PHC3: variants seen among roughly 807,000 people sequenced by gnomAD.
The protein encoded by PHC3 is polyhomeotic-like protein 3.
Under a neutral mutation model 107.4 loss-of-function variants are expected in PHC3, and 13 were observed. The ratio of observed to expected loss-of-function variants is 0.12; its 90% CI spans 0.08 to 0.19. The LOEUF (loss-of-function observed/expected upper bound fraction) is 0.19, where lower values mean the gene tolerates loss of function less well. PHC3 is among the 10% of genes least tolerant of loss of function. The pLI is 1.00. For missense variants in PHC3, 992 were observed against 1,210.9 expected, an observed-to-expected ratio of 0.82 and a Z score of 2.68; for synonymous variants, 456 against 427.4, an observed-to-expected ratio of 1.07 and a Z score of -0.83.
intron 14 of PHC3, among the ~76,000 whole-genome samples, chr3:170,101,968 C>A (rs1715562633): frequency 6.6e-6 from 1 of 151,878 alleles, no homozygotes; most frequent in Non-Finnish European, 1.5e-5. Context: ...AAAGAATGTA[C>A]CTTCTTTTAA....
intron 6 of PHC3, among the ~76,000 whole-genome samples, chr3:170,139,561 A>G (rs1215992528): frequency 6.6e-6 from 1 of 152,214 alleles, no homozygotes; most frequent in East Asian, 1.9e-4. Flanking sequence ...ATCCATTTCT[A>G]TAGAATAATA....
intron 6 of PHC3, among the ~76,000 whole-genome samples, chr3:170,138,629 G>T (rs889836335): frequency 6.8e-6 from 1 of 146,198 alleles, no homozygotes; most frequent in Non-Finnish European, 1.5e-5. Context: ...GGCAGAGGTT[G>T]CAGTGAGCTG....
intron 11 of PHC3, among the ~76,000 whole-genome samples, chr3:170,110,408 A>C (rs1576994198): frequency 6.6e-6 from 1 of 152,108 alleles, no homozygotes; most frequent in South Asian, 2.1e-4. Context: ...GCACTTACAC[A>C]TTCTTAGTGC....
Position 170,088,695 on chromosome 3 carries a change from TAC to T in PHC3, c.*8533_*8534del, listed in dbSNP as rs1269450510. ...AGCATAACATATTTGAAGAATTAGT[TAC>T]ACTTTAAAAATTAAAACACTTGAAA... On this transcript the variant is annotated 3_prime_UTR_variant, in exon 15 of 15. Transcript: ENST00000495893. The T allele has an allele frequency of 2.0e-5, 3 of 152,366 alleles. No individual in the cohort carries two copies. Among genetic ancestry groups the T allele is most frequent in the Non-Finnish European group, 4.4e-5 (3 of 68,034 alleles). 9.4% of individuals were successfully genotyped at this position (152,366 alleles called of 1,614,324 possible).
At chr3:170,120,902 T>C (rs1237697541) in intron 9 of PHC3, among the ~76,000 whole-genome samples, 2 of 152,078 alleles carry the variant, frequency 1.3e-5, no homozygotes, top group Non-Finnish European at 2.9e-5. Context: ...CAGAACAGAA[T>C]ACGTACAACA....
At chr3:170,133,944 T>C (rs536973387) in intron 7 of PHC3, among the ~76,000 whole-genome samples, 5 of 152,180 alleles carry the variant, frequency 3.3e-5, no homozygotes, top group African/African-American at 1.2e-4. Flanking sequence ...AAGAAATCAA[T>C]CTACCTTTCA....
chr3:170,139,719 T>C (rs545825736), intron 6 of PHC3, among the ~76,000 whole-genome samples: 13 of 152,204 alleles, frequency 8.5e-5, no homozygotes, highest in African/African-American at 2.4e-4. Flanking sequence ...GACTTAAACA[T>C]TGACATGGTT....
At chr3:170,133,939 A>G (rs537784156) in intron 7 of PHC3, among the ~76,000 whole-genome samples, 1 of 152,252 alleles carries the variant, frequency 6.6e-6, no homozygotes, top group East Asian at 1.9e-4. Context: ...TTAGAAAGAA[A>G]TCAATCTACC....
intron 2 of PHC3, among the ~76,000 whole-genome samples, chr3:170,175,075 C>T (rs1378427882): frequency 6.6e-6 from 1 of 152,138 alleles, no homozygotes; most frequent in African/African-American, 2.4e-5. Context: ...GTTATAGATA[C>T]AGCAAATTGT....
chr3:170,132,460 G>A (rs1209601415), intron 7 of PHC3, among the ~76,000 whole-genome samples: 1 of 152,180 alleles, frequency 6.6e-6, no homozygotes, highest in African/African-American at 2.4e-5. Flanking sequence ...ATGTGTATTT[G>A]TAGATGGGGC....
chr3:170,173,717 A>C (rs1159699961), intron 2 of PHC3, among the ~76,000 whole-genome samples: 1 of 152,258 alleles, frequency 6.6e-6, no homozygotes, highest in Non-Finnish European at 1.5e-5. Context: ...TCAGTGGGTT[A>C]CAAAATAGTA....
rs184566544 is a variant in PHC3 at position 170,130,134 on chromosome 3, T to C, written c.920-582A>G. 2.3e-3 allele frequency among the ~76,000 whole-genome samples: 346 copies of C among 152,360 alleles called. 1 individual carries two copies. Among genetic ancestry groups the C allele is most frequent in the African/African-American group, 7.7e-3 (322 of 41,594 alleles). On this transcript the variant is annotated intron_variant, in intron 7 of 14. Transcript: ENST00000495893. ...TACATGGTTTGTTCTTATTATATTT[T>C]ATAGGTCACCTGAATATCTACATTA...
chr3:170,161,031 T>C (rs541573225), intron 4 of PHC3, among the ~76,000 whole-genome samples: 3 of 152,340 alleles, frequency 2.0e-5, no homozygotes, highest in South Asian at 2.1e-4. Flanking sequence ...ATTAATATCA[T>C]TACATATTCT....
intron 4 of PHC3, among the ~76,000 whole-genome samples, chr3:170,165,378 C>T (rs1418953488): frequency 6.6e-6 from 1 of 152,100 alleles, no homozygotes; most frequent in Non-Finnish European, 1.5e-5. Flanking sequence ...TCACTCATCA[C>T]GTCCAGAACC....
At chr3:170,177,734 G>A (rs908101644) in intron 2 of PHC3, among the ~76,000 whole-genome samples, 5 of 145,136 alleles carry the variant, frequency 3.4e-5, no homozygotes, top group African/African-American at 7.7e-5. Context: ...ACAGTGGTGC[G>A]ATCACAGCTC....
Position 170,091,904 on chromosome 3 carries a change from A to G in PHC3, c.*5326T>C, listed in dbSNP as rs1270183839. On this transcript the variant is annotated 3_prime_UTR_variant, in exon 15 of 15. Coordinates refer to ENST00000495893, the MANE Select transcript of PHC3 (RefSeq NM_024947.4). ...TCCAAAGAAGGTAATCTAATTTTAA[A>G]TTTATTTGAAGAAAGCTTATATAAC... 4.6e-5 allele frequency: 7 copies of G among 152,340 alleles called. No individual in the cohort carries two copies. Among genetic ancestry groups the G allele is most frequent in the African/African-American group, 1.7e-4 (7 of 41,580 alleles). The allele number at this position is 152,340 out of a possible 1,614,324, so 9.4% of individuals were successfully genotyped here.
At chr3:170,112,423 C>T (rs944008073) in intron 11 of PHC3, among the ~76,000 whole-genome samples, 1 of 151,108 alleles carries the variant, frequency 6.6e-6, no homozygotes, top group African/African-American at 2.4e-5. Context: ...TGGGGTTTCA[C>T]CATGTTGGCC....
At chr3:170,143,140 T>C (rs1724374568) in intron 6 of PHC3, among the ~76,000 whole-genome samples, 3 of 152,178 alleles carry the variant, frequency 2.0e-5, no homozygotes, top group Non-Finnish European at 4.4e-5. Context: ...ATTGACCCAC[T>C]GCACTCCAGC....
chr3:170,173,585 T>C (rs1380183607), intron 2 of PHC3, among the ~76,000 whole-genome samples: 1 of 152,182 alleles, frequency 6.6e-6, no homozygotes, highest in Non-Finnish European at 1.5e-5. Flanking sequence ...AACTAAAGAA[T>C]TGAGTTAATT....
Sources: gnomAD v4.1 joint callset for allele counts (sites outside exome capture counted in the v4.1 genomes callset) on GRCh38, gnomAD v4.1.1 for gene constraint, MANE v1.5 for transcripts, NCBI Gene and HGNC (gene_info 2026-07-23, HGNC 2026-07-21) for gene names.